IGFBP2: variants seen among roughly 807,000 people sequenced by gnomAD.
The protein encoded by IGFBP2 is insulin-like growth factor-binding protein 2.
In IGFBP2, 12 loss-of-function variants were observed where a neutral mutation model predicts 26.2. That is an observed-to-expected ratio of 0.46 (90% CI 0.29 to 0.74). IGFBP2 has a LOEUF of 0.74. IGFBP2 is among the 30% of genes least tolerant of loss of function. The pLI is 0.09. For missense variants in IGFBP2, 328 were observed against 441.2 expected (o/e 0.74, Z 2.30); for synonymous variants, 189 against 200.6 (o/e 0.94, Z 0.49).
At chr2:216,661,036 T>C in intron 2 of IGFBP2, 1 of 536,584 alleles carries the variant, frequency 1.9e-6, no homozygotes, top group South Asian at 2.3e-5. Flanking sequence ...TCTGTATGGT[T>C]TTGGAACATA....
chr2:216,659,019 C>T (rs1292863004), intron 1 of IGFBP2, among the ~76,000 whole-genome samples: 1 of 152,172 alleles, frequency 6.6e-6, no homozygotes, highest in East Asian at 1.9e-4. Flanking sequence ...GGACTTTAAC[C>T]CGGCTACACC....
upstream of IGFBP2, chr2:216,632,847 T>C (rs1697405057): frequency 6.6e-6 from 1 of 152,060 alleles, no homozygotes; most frequent in Non-Finnish European, 1.5e-5. Flanking sequence ...AAAACTGCAA[T>C]AGTCACTAAG....
At chr2:216,632,908 C>T (rs968866359), upstream of IGFBP2, 3 of 152,194 alleles carry the variant, frequency 2.0e-5, no homozygotes, top group African/African-American at 4.8e-5. Flanking sequence ...TCTGAAACTC[C>T]GCAGGACCCA....
intron 1 of IGFBP2, among the ~76,000 whole-genome samples, chr2:216,647,878 T>C (rs1697745472): frequency 1.3e-5 from 2 of 152,252 alleles, no homozygotes; most frequent in African/African-American, 4.8e-5. Flanking sequence ...TGGAATGCAA[T>C]TGCACGATCT....
chr2:216,661,916 C>G lies in IGFBP2; in HGVS notation c.731C>G (p.Pro244Arg). The change falls in exon 3 of 4, where the codon CCG becomes CGG. Residue 244 changes from proline (P) to arginine (R), a missense_variant. Transcript: ENST00000233809. ...VLERISTMRL[P>R]DERGPLEHLY... ...GAGCGGATCTCCACCATGCGCCTTCCGGATGAGCGGGGCCCTCTGGAGCAC... is the reference window on the plus strand; with the variant it reads ...GAGCGGATCTCCACCATGCGCCTTCGGGATGAGCGGGGCCCTCTGGAGCAC... 1 of 1,614,188 alleles carries G rather than the reference C, an allele frequency of 6.2e-7. No homozygotes were observed. Among genetic ancestry groups the G allele is most frequent in the Non-Finnish European group, 8.5e-7 (1 of 1,180,018 alleles).
At chr2:216,662,317 C>T in intron 3 of IGFBP2, 2 of 339,508 alleles carry the variant, frequency 5.9e-6, no homozygotes, top group East Asian at 6.6e-5. Flanking sequence ...CGGACATTGA[C>T]ATCACCTGGA....
intron 1 of IGFBP2, among the ~76,000 whole-genome samples, chr2:216,655,358 A>G (rs1296751516): frequency 6.6e-6 from 1 of 152,090 alleles, no homozygotes; most frequent in East Asian, 1.9e-4. Flanking sequence ...TGGGTCCCCC[A>G]TGTTGTTCTC....
At chr2:216,633,992 G>C in intron 1 of IGFBP2, 27 bp downstream of exon 1, 1 of 1,564,504 alleles carries the variant, frequency 6.4e-7, no homozygotes. Flanking sequence ...CAAGTAGTTG[G>C]GAGAAACTTG....
chr2:216,655,362 TG>T lies in IGFBP2; in HGVS notation c.443-5194del, dbSNP rs552638981. On this transcript the variant is annotated intron_variant, in intron 1 of 3. Coordinates refer to ENST00000233809, the MANE Select transcript of IGFBP2 (RefSeq NM_000597.3). ...AATCATGGGGGTGGGTCCCCCATGT[TG>T]TTCTCGTGATAGCGAGTGAGTTCTC... Among the ~76,000 whole-genome samples the T allele has an allele frequency of 1.8e-3, 281 of 152,260 alleles. 1 individual carries two copies. Among genetic ancestry groups the T allele is most frequent in the African/African-American group, 6.5e-3 (271 of 41,542 alleles).
At chr2:216,641,932 C>T (rs1197987570) in intron 1 of IGFBP2, among the ~76,000 whole-genome samples, 9 of 150,712 alleles carry the variant, frequency 6.0e-5, no homozygotes, top group Non-Finnish European at 1.0e-4. Flanking sequence ...CCTCATGATC[C>T]GCCTACCTCA....
At chr2:216,642,991 G>C (rs1452487729) in intron 1 of IGFBP2, among the ~76,000 whole-genome samples, 3 of 152,146 alleles carry the variant, frequency 2.0e-5, no homozygotes, top group African/African-American at 7.2e-5. Context: ...ATAGAGTTAA[G>C]TATTAACTAA....
rs1051960670 is a variant in IGFBP2, at chr2:216,647,686, AT to A, written c.443-12865del. ...AGGCGCCCACCACCACGCCTGGCTA[AT>A]TTTTTGTATTTTTTAGTAGAGACGG... is the stretch of plus-strand genomic sequence containing the variant. On this transcript the variant is annotated intron_variant, in intron 1 of 3. Transcript: ENST00000233809. 3.3e-5 allele frequency among the ~76,000 whole-genome samples: 5 copies of A among 151,800 alleles called. No homozygotes were observed. In the East Asian group the frequency reaches 5.8e-4, roughly 18 times the overall value.
intron 1 of IGFBP2, among the ~76,000 whole-genome samples, chr2:216,645,108 C>T (rs1697685549): frequency 6.6e-6 from 1 of 152,092 alleles, no homozygotes; most frequent in Non-Finnish European, 1.5e-5. Context: ...TCTAAAATGC[C>T]CGAGGCCAAG....
At chr2:216,635,896 C>A (rs1697485084) in intron 1 of IGFBP2, among the ~76,000 whole-genome samples, 1 of 152,090 alleles carries the variant, frequency 6.6e-6, no homozygotes, top group Admixed American at 6.5e-5. Context: ...TGCCCAGACG[C>A]CTTCCGCATT....
intron 1 of IGFBP2, among the ~76,000 whole-genome samples, chr2:216,649,376 T>C (rs756911362): frequency 6.6e-6 from 1 of 152,220 alleles, no homozygotes; most frequent in Non-Finnish European, 1.5e-5. Context: ...CTACAAGTAA[T>C]GCTGTAATGA....
intron 1 of IGFBP2, among the ~76,000 whole-genome samples, chr2:216,637,226 C>T (rs9341110): frequency 2.0e-5 from 3 of 152,180 alleles, no homozygotes; most frequent in Non-Finnish European, 2.9e-5. Context: ...ACAGAACTCC[C>T]GGCACTAGTT....
At chr2:216,655,032 T>G (rs1052106479) in intron 1 of IGFBP2, among the ~76,000 whole-genome samples, 2 of 152,110 alleles carry the variant, frequency 1.3e-5, no homozygotes, top group African/African-American at 4.8e-5. Context: ...AAACATATAT[T>G]TTTAAAATTT....
chr2:216,660,040 A>G (rs2106206225), intron 1 of IGFBP2, among the ~76,000 whole-genome samples: 1 of 152,204 alleles, frequency 6.6e-6, no homozygotes, highest in African/African-American at 2.4e-5. Flanking sequence ...CACGAGTTTT[A>G]AAAAACTCAA....
intron 1 of IGFBP2, among the ~76,000 whole-genome samples, chr2:216,646,490 A>G (rs1395871546): frequency 6.6e-6 from 1 of 152,266 alleles, no homozygotes. Context: ...AAAAGAGTTA[A>G]TGTAACAGGG....
Sources: gnomAD v4.1 joint callset for allele counts (sites outside exome capture counted in the v4.1 genomes callset) on GRCh38, gnomAD v4.1.1 for gene constraint, MANE v1.5 for transcripts, NCBI Gene and HGNC (gene_info 2026-07-23, HGNC 2026-07-21) for gene names.